ABCG8: variants seen among roughly 807,000 people sequenced by gnomAD.
ABCG8 encodes the protein ATP binding cassette subfamily G member 8.
A neutral mutation model predicts 71.3 loss-of-function variants in ABCG8; 81 were observed. That is an observed-to-expected ratio of 1.14 (90% CI 0.95 to 1.37). The LOEUF is 1.37. Ranked by LOEUF, ABCG8 falls within the 40% of genes most tolerant of loss-of-function variation. ABCG8 has a pLI of 0.00. For synonymous variants in ABCG8, 451 were observed against 354.7 expected (o/e 1.27, Z -3.05); for missense variants, 1,119 against 866.2 (o/e 1.29, Z -3.66).
chr2:43,846,127 T>C, intron 2 of ABCG8, 28 bp from the exon 3 acceptor site: 1 of 1,612,198 alleles, frequency 6.2e-7, no homozygotes. Context: ...TTCAGCTCTC[T>C]AAGGAACCTT....
intron 6 of ABCG8, among the ~76,000 whole-genome samples, chr2:43,869,199 C>G (rs985912139): frequency 2.7e-5 from 4 of 150,532 alleles, no homozygotes; most frequent in Non-Finnish European, 5.9e-5. Context: ...CACTATCATT[C>G]TGGACATAAT....
intron 2 of ABCG8, among the ~76,000 whole-genome samples, chr2:43,845,376 G>A (rs1048934996): frequency 2.6e-5 from 4 of 152,084 alleles, no homozygotes; most frequent in Non-Finnish European, 4.4e-5. Context: ...CTTACCAGCT[G>A]TGTGACCTTG....
At position 43,879,831 on chromosome 2, in the gene ABCG8, G is replaced by C. The variant is rs1670081621; in HGVS notation, c.*1918G>C. On this transcript the variant is annotated 3_prime_UTR_variant, in exon 13 of 13. Transcript: ENST00000272286. ...TTTCAACTTCTCCCATACCAACAAC[G>C]TTCACTTTGATCACTTGATTAAAGG... 1 of 152,052 alleles carries C rather than the reference G, an allele frequency of 6.6e-6. No individual in the cohort carries two copies. Among genetic ancestry groups the C allele is most frequent in the South Asian group, 2.1e-4 (1 of 4,822 alleles). 9.4% of individuals were successfully genotyped at this position (152,052 alleles called of 1,614,324 possible). A position where few individuals can be genotyped will look rare whatever the true frequency, so the allele number is the denominator to read the frequency against.
intron 2 of ABCG8, among the ~76,000 whole-genome samples, chr2:43,845,542 A>C (rs76348222): frequency 3.9e-5 from 6 of 152,290 alleles, no homozygotes; most frequent in African/African-American, 1.4e-4. Context: ...ATTATTAGTA[A>C]ATTACTAGTA....
chr2:43,846,990 G>GCACA (rs368330289), intron 3 of ABCG8: 4,548 of 110,866 alleles, frequency 0.041, 112 homozygotes, highest in African/African-American at 0.13. Flanking sequence ...ACGCGCGCGT[G>GCACA]CACACACACA....
rs1280548321 is a variant in ABCG8, at chr2:43,873,883, T to C, written c.1308T>C (p.Phe436=). ...CAATGACCATCGGCTTCCTCTATTT[T>C]GGCCATGGGAGCATCCAGCTCTCCT... The part of the protein sequence containing the change: ...LMSMTIGFLY[F]GHGSIQLSFM... The change falls in exon 9 of 13, where the codon TTT becomes TTC. Residue 436 remains phenylalanine, a synonymous_variant. Coordinates refer to ENST00000272286, the MANE Select transcript of ABCG8 (RefSeq NM_022437.3). The C allele has an allele frequency of 6.2e-7, 1 of 1,614,156 alleles. No homozygotes were observed. Among genetic ancestry groups the C allele is most frequent in the Non-Finnish European group, 8.5e-7 (1 of 1,180,038 alleles).
rs1227039092 is a variant in ABCG8, at chr2:43,874,617, A to G, written c.1488+134A>G. 14 of 764,234 alleles carry G rather than the reference A, an allele frequency of 1.8e-5. No homozygotes were observed. In the African/African-American group the frequency reaches 2.4e-4, roughly 13 times the overall value. The allele number at this position is 764,234 out of a possible 1,614,324, so 47.3% of individuals were successfully genotyped here. On this transcript the variant is annotated intron_variant, in intron 10 of 12. Transcript: ENST00000272286. ...CATGTGAAGTCACCGATGCCACCAG[A>G]TGCCACATTTTCTAGGGGAGTTTCA...
rs116034017 is a variant in ABCG8 at position 43,852,061 on chromosome 2, G to A, written c.561+239G>A. ...CACTGCACTTGTCAAGATGTGGGAT[G>A]AGTGTATTTGTTTGTGTGTTTTCTG... On this transcript the variant is annotated intron_variant, in intron 4 of 12. Coordinates refer to ENST00000272286, the MANE Select transcript of ABCG8 (RefSeq NM_022437.3). 3.6e-3 allele frequency among the ~76,000 whole-genome samples: 551 copies of A among 152,348 alleles called. 4 individuals are homozygous for A. Among genetic ancestry groups the A allele is most frequent in the African/African-American group, 0.013 (538 of 41,584 alleles).
intron 4 of ABCG8, 62 bp from the exon 5 acceptor site, chr2:43,852,292 A>G (rs578169492): frequency 1.2e-6 from 2 of 1,610,428 alleles, no homozygotes; most frequent in Non-Finnish European, 1.7e-6. Flanking sequence ...CCTTGGGGTC[A>G]CAATGTGTCC....
chr2:43,863,488 G>A (rs1316289862), intron 6 of ABCG8, among the ~76,000 whole-genome samples: 6 of 147,832 alleles, frequency 4.1e-5, no homozygotes, highest in African/African-American at 7.5e-5. Context: ...CTATCTTTCC[G>A]GATAGAACTC....
At chr2:43,857,809 T>A (rs1669165513) in intron 6 of ABCG8, among the ~76,000 whole-genome samples, 1 of 151,714 alleles carries the variant, frequency 6.6e-6, no homozygotes, top group South Asian at 2.1e-4. Context: ...GTTAGAACTC[T>A]CACTACCTGT....
chr2:43,852,229 T>G, intron 4 of ABCG8, 125 bp from the exon 5 acceptor site: 1 of 1,340,706 alleles, frequency 7.5e-7, no homozygotes. Context: ...ACTCAAGTGC[T>G]GGAGCTGTCT....
At chr2:43,854,964 C>T (rs1669051101) in intron 6 of ABCG8, among the ~76,000 whole-genome samples, 2 of 152,184 alleles carry the variant, frequency 1.3e-5, no homozygotes, top group Admixed American at 1.3e-4. Flanking sequence ...TGTCTCCCTC[C>T]TGGGGCAGAG....
intron 6 of ABCG8, 58 bp downstream of exon 6, chr2:43,852,926 A>C: frequency 1.9e-6 from 3 of 1,594,546 alleles, no homozygotes; most frequent in Non-Finnish European, 2.6e-6. Flanking sequence ...CCGATGCTTA[A>C]ACCCTGCCCA....
At position 43,881,885 on chromosome 2, in the gene ABCG8, T is replaced by A. The variant is rs1670140897; in HGVS notation, c.*3972T>A. ...TTGGGACTTCGTGGGCCTTATAGGC[T>A]CTGCTGCAATTACTTAACTCTGCTG... On this transcript the variant is annotated 3_prime_UTR_variant, in exon 13 of 13. Transcript: ENST00000272286. 6.6e-6 allele frequency: 1 copy of A among 152,218 alleles called. No individual in the cohort carries two copies. Among genetic ancestry groups the A allele is most frequent in the Non-Finnish European group, 1.5e-5 (1 of 68,036 alleles). The allele number at this position is 152,218 out of a possible 1,614,324, so 9.4% of individuals were successfully genotyped here. A position where few individuals can be genotyped will look rare whatever the true frequency, so the allele number is the denominator to read the frequency against.
chr2:43,872,660 G>A (rs1241287118), intron 8 of ABCG8, among the ~76,000 whole-genome samples: 2 of 152,138 alleles, frequency 1.3e-5, no homozygotes, highest in South Asian at 2.1e-4. Flanking sequence ...GCAGTGAGCC[G>A]TGATTGCACC....
chr2:43,868,238 G>T (rs775733589), intron 6 of ABCG8, among the ~76,000 whole-genome samples: 789 of 133,108 alleles, frequency 5.9e-3, no homozygotes, highest in South Asian at 0.013. Context: ...CCTCTCACTA[G>T]CTATCTGGAT....
At chr2:43,867,348 A>T (rs944638610) in intron 6 of ABCG8, among the ~76,000 whole-genome samples, 19 of 24,862 alleles carry the variant, frequency 7.6e-4, no homozygotes, top group Admixed American at 3.0e-3. Context: ...AAGTATAATT[A>T]AAAAAAAAAA....
In ABCG8 at chr2:43,874,454, T is replaced by G. The variant is rs1378100680; in HGVS notation, c.1459T>G (p.Tyr487Asp). 1 of 1,613,850 alleles carries G rather than the reference T, an allele frequency of 6.2e-7. No homozygotes were observed. The highest frequency in any genetic ancestry group is 8.5e-7 in the Non-Finnish European group (1 of 1,179,926). The change falls in exon 10 of 13, where the codon TAC (tyrosine) becomes GAC (aspartate). Residue 487 changes from tyrosine (Y) to aspartate (D), a missense_variant. Physicochemically the swap from Tyr to Asp is radical, Grantham distance 160 (BLOSUM62 -3). Transcript: ENST00000272286. ...TTACTATGAACTGGAAGACGGGCTGTACACCACTGGTCCATATTTCTTTGC... is the reference window on the plus strand; with the variant it reads ...TTACTATGAACTGGAAGACGGGCTGGACACCACTGGTCCATATTTCTTTGC... ...MLYYELEDGL[Y>D]TTGPYFFAKI...
Sources: allele counts gnomAD v4.1 joint callset (sites outside exome capture counted in the v4.1 genomes callset), GRCh38; gene constraint gnomAD v4.1.1; transcripts MANE v1.5; gene names NCBI Gene and HGNC (gene_info 2026-07-23, HGNC 2026-07-21).